PPID: variants seen among roughly 807,000 people sequenced by gnomAD.
PPID encodes the protein peptidyl-prolyl cis-trans isomerase D.
Under a neutral mutation model 48.1 loss-of-function variants are expected in PPID, and 47 were observed. The ratio of observed to expected loss-of-function variants is 0.98; its 90% CI spans 0.77 to 1.25. The LOEUF (loss-of-function observed/expected upper bound fraction) is 1.25, where lower values mean the gene tolerates loss of function less well. Among genes scored for constraint, PPID ranks in the 50% most tolerant of loss-of-function variants. The probability of loss-of-function intolerance (pLI) is 0.00; values close to 1 mark genes in which losing one functional copy is unlikely to be tolerated. For missense variants in PPID, 429 were observed against 443.5 expected, an observed-to-expected ratio of 0.97 and a Z score of 0.29; for synonymous variants, 163 against 148.8, an observed-to-expected ratio of 1.10 and a Z score of -0.69.
intron 7 of PPID, among the ~76,000 whole-genome samples, chr4:158,711,922 G>A (rs17843947): frequency 0.014 from 2,179 of 152,168 alleles, 51 homozygotes; most frequent in African/African-American, 0.047. Flanking sequence ...AGCTTTGATT[G>A]CATCACTGCA....
chr4:158,721,042 T>C (rs1011942236), intron 2 of PPID, among the ~76,000 whole-genome samples: 2 of 152,186 alleles, frequency 1.3e-5, no homozygotes, highest in East Asian at 1.9e-4. Flanking sequence ...CACCAGGCAA[T>C]GAAGCTACCT....
At position 158,715,544 on chromosome 4, in the gene PPID, TA is replaced by T; in HGVS notation, c.645+17del. 1 of 1,611,802 alleles carries T rather than the reference TA, an allele frequency of 6.2e-7. No homozygotes were observed. The highest frequency in any genetic ancestry group is 1.1e-5 in the South Asian group (1 of 90,762). ...CTTACTAAATTAATTAAAGTTTGAC[TA>T]ATCTGAAAGTACTCACATCTTTTAA... On this transcript the variant is annotated intron_variant, in intron 5 of 9. Coordinates refer to ENST00000307720, the MANE Select transcript of PPID (RefSeq NM_005038.3).
At chr4:158,717,717 TCA>T (rs1308125597) in intron 3 of PPID, among the ~76,000 whole-genome samples, 3 of 152,176 alleles carry the variant, frequency 2.0e-5, no homozygotes, top group Non-Finnish European at 4.4e-5. Context: ...CCCAAGACAT[TCA>T]GTTTGGTACT....
In PPID at chr4:158,720,712, T is replaced by C. The variant is rs1400465367; in HGVS notation, c.226+631A>G. ...AAAATTATGCATTTTTTTGTTTGTT[T>C]GTTTGTTTGTTTGTTTGTTTGAGGC... On this transcript the variant is annotated intron_variant, in intron 2 of 9. Transcript: ENST00000307720. 3.0e-4 allele frequency among the ~76,000 whole-genome samples: 46 copies of C among 150,932 alleles called. No individual in the cohort carries two copies. The East Asian group carries it at 7.3e-3, about 24-fold the overall frequency.
intron 4 of PPID, among the ~76,000 whole-genome samples, 189 bp downstream of exon 4, chr4:158,716,823 T>C (rs934904791): frequency 5.3e-5 from 8 of 152,104 alleles, no homozygotes; most frequent in African/African-American, 1.9e-4. Flanking sequence ...TAGCCGGGTG[T>C]TGTAGCGCGC....
rs555981271 is a variant in PPID, at chr4:158,709,683, T to A, written c.*53A>T. 1.5e-4 allele frequency: 208 copies of A among 1,352,388 alleles called. No homozygotes were observed. The highest frequency in any genetic ancestry group is 1.9e-4 in the Non-Finnish European group (181 of 958,338). 83.8% of individuals were successfully genotyped at this position (1,352,388 alleles called of 1,614,324 possible). Reference sequence around the variant, plus strand: ...ATATTCATAGACAAAAACCTTTACATTTTCTTATTGCATTTATACAATCAA... The same window carrying A: ...ATATTCATAGACAAAAACCTTTACAATTTCTTATTGCATTTATACAATCAA... On this transcript the variant is annotated 3_prime_UTR_variant, in exon 10 of 10. Transcript: ENST00000307720.
At position 158,723,393 on chromosome 4, in the gene PPID, G is replaced by A. The variant is rs1774997872; in HGVS notation, c.-105C>T. 2.7e-6 allele frequency: 3 copies of A among 1,126,906 alleles called. No individual in the cohort carries two copies. Among genetic ancestry groups the A allele is most frequent in the South Asian group, 1.3e-5 (1 of 76,090 alleles). 69.8% of individuals were successfully genotyped at this position (1,126,906 alleles called of 1,614,324 possible). A position where few individuals can be genotyped will look rare whatever the true frequency, so the allele number is the denominator to read the frequency against. On this transcript the variant is annotated 5_prime_UTR_variant, in exon 1 of 10. Transcript: ENST00000307720. ...TCCGCCGGAGACCGGCAGCGACGCT[G>A]ACCGGCCACTTCCGACGCAAGAACC...
chr4:158,711,925 T>A (rs1400629388), intron 7 of PPID, among the ~76,000 whole-genome samples: 1 of 152,112 alleles, frequency 6.6e-6, no homozygotes, highest in African/African-American at 2.4e-5. Context: ...TTTGATTGCA[T>A]CACTGCACTC....
chr4:158,715,202 C>T, intron 6 of PPID, 95 bp downstream of exon 6: 1 of 1,053,430 alleles, frequency 9.5e-7, no homozygotes, highest in Non-Finnish European at 1.3e-6. Flanking sequence ...GGTTATTCCA[C>T]AAGTAATTTG....
chr4:158,715,259 A>G, intron 6 of PPID, 38 bp downstream of exon 6: 2 of 1,340,380 alleles, frequency 1.5e-6, no homozygotes, highest in Non-Finnish European at 2.0e-6. Context: ...AATTCAATTT[A>G]TAATTTCTTA....
chr4:158,712,840 C>T (rs1774811637), intron 7 of PPID, among the ~76,000 whole-genome samples: 1 of 152,060 alleles, frequency 6.6e-6, no homozygotes, highest in Non-Finnish European at 1.5e-5. Flanking sequence ...TCTTCTAATG[C>T]CTAACACACA....
chr4:158,722,321 G>A (rs1774976062), intron 1 of PPID, among the ~76,000 whole-genome samples: 1 of 152,240 alleles, frequency 6.6e-6, no homozygotes, highest in African/African-American at 2.4e-5. Context: ...CAGTCTTTGG[G>A]TGGGCGGACT....
intron 7 of PPID, 96 bp downstream of exon 7, chr4:158,713,023 A>T: frequency 7.7e-7 from 1 of 1,297,844 alleles, no homozygotes; most frequent in Non-Finnish European, 1.1e-6. Context: ...ATTAGGTCCT[A>T]TGCAATAAGA....
At chr4:158,713,563 C>T (rs1252340836) in intron 6 of PPID, among the ~76,000 whole-genome samples, 1 of 152,106 alleles carries the variant, frequency 6.6e-6, no homozygotes, top group Admixed American at 6.6e-5. Context: ...ATGTTTGGAA[C>T]CAGGATTCTC....
chr4:158,721,307 A>G (rs1172424938), intron 2 of PPID, 36 bp downstream of exon 2: 7 of 1,603,064 alleles, frequency 4.4e-6, no homozygotes, highest in Non-Finnish European at 6.0e-6. Flanking sequence ...ACTTGTCTGT[A>G]TGAAGAATAA....
At chr4:158,720,702 TTTGTTTGTTTGTTTG>T (rs1240357838) in intron 2 of PPID, among the ~76,000 whole-genome samples, 71 of 73,258 alleles carry the variant, frequency 9.7e-4, no homozygotes, top group South Asian at 3.9e-4. Context: ...TATGCATTTT[TTTGTTTGTTTGTTTG>T]TTTGTTTGTT....
Position 158,709,578 on chromosome 4 carries a change from A to T in PPID, c.*158T>A, listed in dbSNP as rs910441852. 1.8e-5 allele frequency: 10 copies of T among 540,722 alleles called. No individual in the cohort carries two copies. The Admixed American group carries it at 2.9e-4, about 16-fold the overall frequency. The allele number at this position is 540,722 out of a possible 1,614,324, so 33.5% of individuals were successfully genotyped here. A position where few individuals can be genotyped will look rare whatever the true frequency, so the allele number is the denominator to read the frequency against. ...TTACTTACTGTATTGTGACATGTTTATTAAGCATGAACCCCTATCAGTACT... is the reference window on the plus strand; with the variant it reads ...TTACTTACTGTATTGTGACATGTTTTTTAAGCATGAACCCCTATCAGTACT... On this transcript the variant is annotated 3_prime_UTR_variant, in exon 10 of 10. Coordinates refer to ENST00000307720, the MANE Select transcript of PPID (RefSeq NM_005038.3).
At chr4:158,710,593 A>G in intron 9 of PPID, 35 bp downstream of exon 9, 2 of 1,599,534 alleles carry the variant, frequency 1.3e-6, no homozygotes, top group Non-Finnish European at 1.7e-6. Flanking sequence ...TTTAAATAAC[A>G]AAATTAACTT....
At chr4:158,722,050 ACTTCATTTC>A (rs1774971753) in intron 1 of PPID, among the ~76,000 whole-genome samples, 1 of 152,152 alleles carries the variant, frequency 6.6e-6, no homozygotes, top group Admixed American at 6.5e-5. Context: ...TGACATACAA[ACTTCATTTC>A]CTTTGAATAT....
Sources: gnomAD v4.1 joint callset for allele counts (sites outside exome capture counted in the v4.1 genomes callset) on GRCh38, gnomAD v4.1.1 for gene constraint, MANE v1.5 for transcripts, NCBI Gene and HGNC (gene_info 2026-07-23, HGNC 2026-07-21) for gene names.